Variants in PRKAG2 observed in about 807,000 individuals in gnomAD.
The protein encoded by PRKAG2 is 5'-AMP-activated protein kinase subunit gamma-2.
Under a neutral mutation model 69.6 loss-of-function variants are expected in PRKAG2, and 26 were observed. The observed-to-expected ratio is 0.37, with a 90% CI of 0.27 to 0.52. The LOEUF (loss-of-function observed/expected upper bound fraction) is 0.52. Ranked by LOEUF, PRKAG2 falls within the 20% of genes least tolerant of loss-of-function variation. PRKAG2 has a pLI of 0.90. For synonymous variants in PRKAG2, 293 were observed against 285.0 expected (o/e 1.03, Z -0.28); for missense variants, 557 against 740.0 (o/e 0.75, Z 2.87).
intron 3 of PRKAG2, among the ~76,000 whole-genome samples, chr7:151,715,296 A>C (rs1305471335): frequency 7.6e-6 from 1 of 131,394 alleles, no homozygotes; most frequent in Non-Finnish European, 1.6e-5. Context: ...GATTACCGGC[A>C]TGAGCCACTG....
chr7:151,773,028 A>AAAGAAAGAAAGAAAGAAAGAGG (rs767583881), intron 3 of PRKAG2, among the ~76,000 whole-genome samples: 2 of 50,894 alleles, frequency 3.9e-5, no homozygotes, highest in Admixed American at 2.1e-4. Context: ...AAAGAAAGAG[A>AAAGAAAGAAAGAAAGAAAGAGG]GAGAGAGAGA....
At chr7:151,562,114 G>A (rs1395591650) in intron 14 of PRKAG2, among the ~76,000 whole-genome samples, 1 of 149,558 alleles carries the variant, frequency 6.7e-6, no homozygotes, top group Non-Finnish European at 1.5e-5. Flanking sequence ...GCGTGGTGGT[G>A]CATTCCTGTA....
At chr7:151,782,969 C>T (rs1213155352) in intron 2 of PRKAG2, among the ~76,000 whole-genome samples, 1 of 152,228 alleles carries the variant, frequency 6.6e-6, no homozygotes, top group Non-Finnish European at 1.5e-5. Context: ...ATACTGCCCT[C>T]GGGCGGCCGC....
chr7:151,675,583 G>C lies in PRKAG2; in HGVS notation c.521C>G (p.Thr174Arg). The C allele has an allele frequency of 3.1e-6, 5 of 1,614,146 alleles. No homozygotes were observed. The highest frequency in any genetic ancestry group is 3.3e-5 in the Admixed American group (2 of 60,024). ...GTGCTTATAGGATTCCAGGGGAAAC[G>C]TGTGCTGCTTGGTCACTTGGGTGGG... ...STPTQVTKQHTFPLESYKHEP... is the reference protein window; with the variant it reads ...STPTQVTKQHRFPLESYKHEP... The change falls in exon 4 of 16, where the codon ACG becomes AGG. Residue 174 changes from threonine (T) to arginine (R), a missense_variant. Physicochemically the swap from Thr to Arg is moderately conservative, Grantham distance 71. Coordinates refer to ENST00000287878, the MANE Select transcript of PRKAG2 (RefSeq NM_016203.4).
intron 3 of PRKAG2, among the ~76,000 whole-genome samples, chr7:151,749,097 T>C (rs2151731490): frequency 6.6e-6 from 1 of 152,364 alleles, no homozygotes; most frequent in Admixed American, 6.5e-5. Context: ...AAAGAAACTG[T>C]GCTCACTGCA....
intron 5 of PRKAG2, among the ~76,000 whole-genome samples, chr7:151,622,623 A>C (rs1821810287): frequency 6.6e-6 from 1 of 152,178 alleles, no homozygotes; most frequent in African/African-American, 2.4e-5. Context: ...TGTGAGCTTG[A>C]ACAAATTGAT....
intron 3 of PRKAG2, among the ~76,000 whole-genome samples, chr7:151,764,856 G>C (rs891407891): frequency 6.6e-6 from 1 of 152,242 alleles, no homozygotes; most frequent in Non-Finnish European, 1.5e-5. Flanking sequence ...GTGAAGCATG[G>C]GGAGGCTGCA....
intron 3 of PRKAG2, among the ~76,000 whole-genome samples, chr7:151,775,125 T>C (rs1238238360): frequency 6.6e-6 from 1 of 152,246 alleles, no homozygotes; most frequent in Non-Finnish European, 1.5e-5. Context: ...GAGGGCATCC[T>C]TGCGTGCATG....
chr7:151,872,164 C>G (rs1372879482), intron 1 of PRKAG2, among the ~76,000 whole-genome samples: 2 of 152,222 alleles, frequency 1.3e-5, no homozygotes, highest in Non-Finnish European at 1.5e-5. Flanking sequence ...CCAAATACCT[C>G]CACATCAGTT....
In PRKAG2 at chr7:151,565,838, C is replaced by T. The variant is rs766545524; in HGVS notation, c.1281G>A (p.Glu427=). The T allele has an allele frequency of 5.6e-6, 9 of 1,613,416 alleles. No individual in the cohort carries two copies. The South Asian group carries it at 9.9e-5, about 18-fold the overall frequency. The change falls in exon 12 of 16, where the codon GAG becomes GAA. Residue 427 remains glutamate, a synonymous_variant. Transcript: ENST00000287878. The stretch of plus-strand genomic sequence containing the variant: ...TGTTGTGGTACGTTCCTATTCCAAG[C>T]TCATCCAGGTTCTGCTTCATGAAGG... ...KPAFMKQNLD[E]LGIGTYHNIA... is the part of the protein sequence containing the mutation.
At chr7:151,616,731 G>C (rs532695370) in intron 5 of PRKAG2, among the ~76,000 whole-genome samples, 5 of 152,360 alleles carry the variant, frequency 3.3e-5, no homozygotes, top group East Asian at 1.9e-4. Flanking sequence ...TCACGGCCAA[G>C]GGGATGTGAG....
chr7:151,617,701 C>T (rs994078420), intron 5 of PRKAG2, among the ~76,000 whole-genome samples: 21 of 152,004 alleles, frequency 1.4e-4, no homozygotes, highest in African/African-American at 5.1e-4. Flanking sequence ...CAAAACTTGT[C>T]TTAAAGACTA....
At chr7:151,706,120 ACAG>A (rs1217469587) in intron 3 of PRKAG2, among the ~76,000 whole-genome samples, 1 of 152,208 alleles carries the variant, frequency 6.6e-6, no homozygotes, top group Non-Finnish European at 1.5e-5. Context: ...GTGACTCAGC[ACAG>A]CAGATATGCA....
chr7:151,639,030 G>A (rs1826218982), intron 4 of PRKAG2, among the ~76,000 whole-genome samples: 1 of 152,112 alleles, frequency 6.6e-6, no homozygotes, highest in Non-Finnish European at 1.5e-5. Flanking sequence ...CTCTGCTCCC[G>A]TTCCCACTGG....
intron 1 of PRKAG2, among the ~76,000 whole-genome samples, chr7:151,854,649 A>G (rs2151898563): frequency 6.6e-6 from 1 of 152,320 alleles, no homozygotes; most frequent in African/African-American, 2.4e-5. Context: ...CTCAGTTTGC[A>G]CAATTGGGCT....
intron 4 of PRKAG2, chr7:151,674,865 G>C (rs751130103): frequency 1.2e-4 from 19 of 163,008 alleles, no homozygotes; most frequent in Non-Finnish European, 2.2e-4. Flanking sequence ...GAAGCTGAGG[G>C]GAAAAAAACC....
intron 3 of PRKAG2, chr7:151,736,081 G>A (rs1186580923): frequency 5.2e-6 from 8 of 1,527,338 alleles, no homozygotes; most frequent in African/African-American, 4.1e-5. Flanking sequence ...GGAGCCAGAG[G>A]AGCATCAGCC....
intron 5 of PRKAG2, chr7:151,631,818 G>C (rs536058997): frequency 2.0e-6 from 1 of 498,574 alleles, no homozygotes; most frequent in South Asian, 1.5e-5. Flanking sequence ...CCGTCCGTGT[G>C]GATGCCGGGC....
chr7:151,685,947 A>G (rs1163852480), intron 3 of PRKAG2, among the ~76,000 whole-genome samples: 3 of 152,186 alleles, frequency 2.0e-5, no homozygotes, highest in African/African-American at 7.2e-5. Context: ...AGCTGGCTTA[A>G]TCGAAGATGC....
Sources: allele counts gnomAD v4.1 joint callset (sites outside exome capture counted in the v4.1 genomes callset), GRCh38; gene constraint gnomAD v4.1.1; transcripts MANE v1.5; gene names NCBI Gene and HGNC (gene_info 2026-07-23, HGNC 2026-07-21).